Variants in UQCC1 observed in about 807,000 individuals in gnomAD.
The protein encoded by UQCC1 is bFGF-repressed Zic-binding protein.
UQCC1 carries 38 observed loss-of-function variants against 48.0 expected under a neutral mutation model. The ratio of observed to expected loss-of-function variants is 0.79; its 90% CI spans 0.61 to 1.04. The LOEUF is 1.04. Ranked by LOEUF, UQCC1 falls within the 50% of genes least tolerant of loss-of-function variation. The pLI is 0.00. For missense variants in UQCC1, 368 were observed against 381.8 expected (o/e 0.96, Z 0.30); for synonymous variants, 111 against 129.2 (o/e 0.86, Z 0.95).
At chr20:35,352,688 TTTG>T (rs2061502548) in intron 6 of UQCC1, among the ~76,000 whole-genome samples, 3 of 104,378 alleles carry the variant, frequency 2.9e-5, no homozygotes, top group African/African-American at 8.5e-5. Context: ...CAGTTTGGTT[TTTG>T]TTTTTTTCAG....
chr20:35,377,467 T>C (rs1490301971), intron 4 of UQCC1, among the ~76,000 whole-genome samples: 1 of 152,192 alleles, frequency 6.6e-6, no homozygotes, highest in Non-Finnish European at 1.5e-5. Flanking sequence ...CTCCTATCCT[T>C]AAGACAGGGA....
intron 7 of UQCC1, among the ~76,000 whole-genome samples, chr20:35,326,802 A>G (rs553902499): frequency 2.4e-4 from 36 of 152,344 alleles, no homozygotes; most frequent in African/African-American, 8.2e-4. Context: ...TATTAAATTT[A>G]GGCAGACTGG....
intron 4 of UQCC1, among the ~76,000 whole-genome samples, chr20:35,380,851 G>A (rs1222242702): frequency 6.6e-6 from 1 of 152,186 alleles, no homozygotes; most frequent in Non-Finnish European, 1.5e-5. Flanking sequence ...GGGGATTTTG[G>A]ATGCTTTGCA....
At position 35,329,282 on chromosome 20, in the gene UQCC1, G is replaced by GC. The variant is rs2061230997; in HGVS notation, c.574-14518dup. Among the ~76,000 whole-genome samples, 2 of 152,194 alleles carry GC rather than the reference G, an allele frequency of 1.3e-5. 1 individual carries two copies. The highest frequency in any genetic ancestry group is 1.3e-4 in the Admixed American group (2 of 15,278). On this transcript the variant is annotated intron_variant, in intron 7 of 9. Coordinates refer to ENST00000374385, the MANE Select transcript of UQCC1 (RefSeq NM_018244.5). ...AGGCAGGAGGACCAGTGAAGAAGCA[G>GC]CCGACAGTGAGTTTAGGTGAGAGGT...
At chr20:35,382,169 C>A in intron 3 of UQCC1, 144 bp from the exon 4 acceptor site, 2 of 552,116 alleles carry the variant, frequency 3.6e-6, no homozygotes, top group Non-Finnish European at 6.4e-6. Flanking sequence ...TGAAGTGGCA[C>A]AATCATAGCT....
At chr20:35,341,322 G>T (rs1203957477) in intron 7 of UQCC1, among the ~76,000 whole-genome samples, 1 of 151,850 alleles carries the variant, frequency 6.6e-6, no homozygotes, top group South Asian at 2.1e-4. Flanking sequence ...TCCATTAGAA[G>T]ATGGAAAAGT....
At chr20:35,353,699 G>T (rs1308631307) in intron 6 of UQCC1, among the ~76,000 whole-genome samples, 1 of 152,102 alleles carries the variant, frequency 6.6e-6, no homozygotes, top group Non-Finnish European at 1.5e-5. Flanking sequence ...GGCTGATATG[G>T]GAGGATTGCT....
chr20:35,393,933 C>T (rs1205101949), intron 2 of UQCC1, among the ~76,000 whole-genome samples, 159 bp downstream of exon 2: 1 of 152,056 alleles, frequency 6.6e-6, no homozygotes, highest in South Asian at 2.1e-4. Context: ...CCCTAGACAC[C>T]ATACTTTAGG....
intron 8 of UQCC1, among the ~76,000 whole-genome samples, 182 bp downstream of exon 8, chr20:35,314,486 CTTTCCCAAACATGTGGCATG>C (rs972187234): frequency 2.0e-5 from 3 of 152,136 alleles, no homozygotes; most frequent in Non-Finnish European, 2.9e-5. Flanking sequence ...ATACTGCTTT[CTTTCCCAAACATGTGGCATG>C]TTTCCCAAAC....
At chr20:35,383,064 G>A (rs1343727194) in intron 3 of UQCC1, among the ~76,000 whole-genome samples, 1 of 152,032 alleles carries the variant, frequency 6.6e-6, no homozygotes, top group African/African-American at 2.4e-5. Context: ...GCTTATTGAT[G>A]TAATAGGAAA....
chr20:35,345,077 C>G lies in UQCC1; in HGVS notation c.573+2087G>C, dbSNP rs77854928. The G allele has an allele frequency of 7.7e-3, 1,179 of 152,394 alleles. 15 individuals are homozygous for G. Among genetic ancestry groups the G allele is most frequent in the African/African-American group, 0.026 (1,095 of 41,562 alleles). 9.4% of individuals were successfully genotyped at this position (152,394 alleles called of 1,614,324 possible). A position where few individuals can be genotyped will look rare whatever the true frequency, so the allele number is the denominator to read the frequency against. On this transcript the variant is annotated intron_variant, in intron 7 of 9. Coordinates refer to ENST00000374385, the MANE Select transcript of UQCC1 (RefSeq NM_018244.5). The stretch of plus-strand genomic sequence containing the variant: ...AGGAAAGGTATGGAATCTCCTCACC[C>G]CTTCCCCCATCTTGTCCTATGCATC...
At chr20:35,396,547 GATC>G (rs1300223356) in intron 1 of UQCC1, among the ~76,000 whole-genome samples, 1 of 152,092 alleles carries the variant, frequency 6.6e-6, no homozygotes, top group Admixed American at 6.6e-5. Context: ...GCAATGCTGA[GATC>G]ATCATCATCC....
intron 2 of UQCC1, among the ~76,000 whole-genome samples, chr20:35,385,647 A>C (rs2061932898): frequency 6.6e-6 from 1 of 152,036 alleles, no homozygotes; most frequent in African/African-American, 2.4e-5. Context: ...GACTACAGGC[A>C]TCTGTCATCA....
chr20:35,384,599 A>G lies in UQCC1; in HGVS notation c.130-466T>C, dbSNP rs537338243. 20 of 446,942 alleles carry G rather than the reference A, an allele frequency of 4.5e-5. No individual in the cohort carries two copies. In the East Asian group the frequency reaches 1.3e-3, roughly 29 times the overall value. 27.7% of individuals were successfully genotyped at this position (446,942 alleles called of 1,614,324 possible). On this transcript the variant is annotated intron_variant, in intron 2 of 9. Coordinates refer to ENST00000374385, the MANE Select transcript of UQCC1 (RefSeq NM_018244.5). Reference sequence around the variant, plus strand: ...CGAGGCTGCAGGGAGCTATCATCACACCACTGCACTTCAACCTGGGCGACT... The same window carrying G: ...CGAGGCTGCAGGGAGCTATCATCACGCCACTGCACTTCAACCTGGGCGACT...
intron 7 of UQCC1, among the ~76,000 whole-genome samples, chr20:35,333,485 A>G (rs1050555455): frequency 2.0e-5 from 3 of 152,226 alleles, no homozygotes; most frequent in African/African-American, 4.8e-5. Flanking sequence ...CGGGACTGCT[A>G]TACCATTCTC....
chr20:35,345,782 A>G (rs1425902602), intron 7 of UQCC1: 1 of 152,186 alleles, frequency 6.6e-6, no homozygotes, highest in East Asian at 1.9e-4. Context: ...AACTTTTATA[A>G]TATGTTTATT....
intron 5 of UQCC1, among the ~76,000 whole-genome samples, chr20:35,372,301 T>C (rs1324951662): frequency 6.6e-6 from 1 of 150,562 alleles, no homozygotes; most frequent in Non-Finnish European, 1.5e-5. Flanking sequence ...AGATTGAGAT[T>C]CTGTCTCAAA....
intron 1 of UQCC1, among the ~76,000 whole-genome samples, chr20:35,395,757 T>A (rs192668250): frequency 8.0e-4 from 122 of 152,154 alleles, no homozygotes; most frequent in Non-Finnish European, 1.3e-3. Flanking sequence ...GGGTATCACA[T>A]GAATGAAGAA....
intron 6 of UQCC1, among the ~76,000 whole-genome samples, chr20:35,354,497 C>T (rs950613422): frequency 2.0e-5 from 3 of 151,712 alleles, no homozygotes; most frequent in Non-Finnish European, 4.4e-5. Flanking sequence ...CCTGGGTTCA[C>T]GCCATTCTTC....
Sources: gnomAD v4.1 joint callset for allele counts (sites outside exome capture counted in the v4.1 genomes callset) on GRCh38, gnomAD v4.1.1 for gene constraint, MANE v1.5 for transcripts, NCBI Gene and HGNC (gene_info 2026-07-23, HGNC 2026-07-21) for gene names.